RAB6B: variants seen among roughly 807,000 people sequenced by gnomAD.
RAB6B encodes ras-related protein Rab-6B.
RAB6B carries 7 observed loss-of-function variants against 31.2 expected under a neutral mutation model. The ratio of observed to expected loss-of-function variants is 0.22; its 90% CI spans 0.13 to 0.42. RAB6B has a LOEUF of 0.42. Among genes scored for constraint, RAB6B ranks in the 10% least tolerant of loss-of-function variants. RAB6B has a pLI of 1.00. For synonymous variants in RAB6B, 105 were observed against 104.9 expected, an observed-to-expected ratio of 1.00 and a Z score of -0.01; for missense variants, 149 against 280.6, an observed-to-expected ratio of 0.53 and a Z score of 3.35.
At chr3:133,860,105 C>G (rs1936138432) in intron 2 of RAB6B, among the ~76,000 whole-genome samples, 1 of 152,116 alleles carries the variant, frequency 6.6e-6, no homozygotes, top group African/African-American at 2.4e-5. Context: ...AGGTCCAGTC[C>G]CCATTGGGAT....
chr3:133,864,966 A>G (rs979888379), intron 1 of RAB6B, among the ~76,000 whole-genome samples: 2 of 152,238 alleles, frequency 1.3e-5, no homozygotes, highest in African/African-American at 2.4e-5. Context: ...AGAACCATCT[A>G]TAAAGAATCA....
chr3:133,892,438 C>G (rs1020974918), intron 1 of RAB6B, among the ~76,000 whole-genome samples: 8 of 152,152 alleles, frequency 5.3e-5, no homozygotes, highest in Non-Finnish European at 8.8e-5. Context: ...CAAGGGCCTC[C>G]CATTCAAACC....
intron 1 of RAB6B, among the ~76,000 whole-genome samples, chr3:133,889,184 G>A (rs2108016526): frequency 6.6e-6 from 1 of 151,830 alleles, no homozygotes; most frequent in African/African-American, 2.4e-5. Context: ...ACATTCAATG[G>A]CCGATGCATT....
chr3:133,884,196 G>A (rs1226210742), intron 1 of RAB6B, among the ~76,000 whole-genome samples: 2 of 152,218 alleles, frequency 1.3e-5, no homozygotes, highest in African/African-American at 4.8e-5. Flanking sequence ...GCTCAGTAAC[G>A]TCCAGTGGGC....
chr3:133,841,008 G>A (rs1054330805), intron 4 of RAB6B, among the ~76,000 whole-genome samples: 3 of 152,158 alleles, frequency 2.0e-5, no homozygotes, highest in Non-Finnish European at 4.4e-5. Flanking sequence ...GTGAGCATCT[G>A]CTCACACCAC....
chr3:133,883,984 G>A (rs1299689171), intron 1 of RAB6B, among the ~76,000 whole-genome samples: 1 of 152,170 alleles, frequency 6.6e-6, no homozygotes, highest in East Asian at 1.9e-4. Context: ...GTTTTTCTCT[G>A]GGCCAGCTGC....
chr3:133,830,023 C>T (rs1935633309), intron 7 of RAB6B, among the ~76,000 whole-genome samples: 2 of 152,128 alleles, frequency 1.3e-5, no homozygotes, highest in African/African-American at 2.4e-5. Context: ...TAAGCCAGTG[C>T]CTTCCTTCCC....
At chr3:133,834,474 T>C in intron 7 of RAB6B, 101 bp downstream of exon 7, 4 of 1,308,356 alleles carry the variant, frequency 3.1e-6, no homozygotes, top group Non-Finnish European at 4.4e-6. Flanking sequence ...CAGGGAAGGC[T>C]GGGCGGGGAC....
intron 1 of RAB6B, among the ~76,000 whole-genome samples, chr3:133,874,229 T>C (rs1936362159): frequency 6.6e-6 from 1 of 152,250 alleles, no homozygotes; most frequent in Non-Finnish European, 1.5e-5. Context: ...CATGCTTTGC[T>C]TAATGAGAGG....
chr3:133,892,161 CAT>C (rs2108018306), intron 1 of RAB6B, among the ~76,000 whole-genome samples: 1 of 152,298 alleles, frequency 6.6e-6, no homozygotes, highest in East Asian at 1.9e-4. Context: ...TCGGGACTGA[CAT>C]ATGTCACCCT....
At chr3:133,878,761 T>C (rs1936429366) in intron 1 of RAB6B, among the ~76,000 whole-genome samples, 1 of 152,224 alleles carries the variant, frequency 6.6e-6, no homozygotes, top group African/African-American at 2.4e-5. Flanking sequence ...TCAGACGCTA[T>C]GCAAACCGGA....
intron 2 of RAB6B, among the ~76,000 whole-genome samples, chr3:133,855,302 G>A (rs968239968): frequency 6.6e-6 from 1 of 152,242 alleles, no homozygotes; most frequent in Non-Finnish European, 1.5e-5. Context: ...CTGGGGGAGG[G>A]GATGTTGGCT....
intron 2 of RAB6B, among the ~76,000 whole-genome samples, chr3:133,856,286 G>A (rs139569589): frequency 1.9e-4 from 29 of 152,196 alleles, no homozygotes; most frequent in Non-Finnish European, 1.8e-4. Flanking sequence ...GGATGTTAGA[G>A]CCTGGGCAGT....
intron 2 of RAB6B, among the ~76,000 whole-genome samples, chr3:133,843,840 G>A (rs574968071): frequency 5.6e-4 from 86 of 152,218 alleles, no homozygotes; most frequent in African/African-American, 2.0e-3. Flanking sequence ...AGTCATAGTG[G>A]CCCATCCAGA....
chr3:133,840,449 A>T (rs1935809402), intron 4 of RAB6B, among the ~76,000 whole-genome samples: 1 of 152,200 alleles, frequency 6.6e-6, no homozygotes, highest in Non-Finnish European at 1.5e-5. Flanking sequence ...TTGCGGGCCC[A>T]GCTCCCACCT....
At chr3:133,836,684 G>A (rs1935740495) in intron 6 of RAB6B, among the ~76,000 whole-genome samples, 1 of 151,808 alleles carries the variant, frequency 6.6e-6, no homozygotes, top group Non-Finnish European at 1.5e-5. Context: ...ATGACTTTAG[G>A]GCTCCCAAAG....
At chr3:133,844,763 CTT>C (rs1239692557) in intron 2 of RAB6B, among the ~76,000 whole-genome samples, 2 of 152,038 alleles carry the variant, frequency 1.3e-5, no homozygotes, top group Non-Finnish European at 2.9e-5. Context: ...CATAGTGAGA[CTT>C]TGCCTCTACA....
intron 7 of RAB6B, among the ~76,000 whole-genome samples, chr3:133,831,056 G>A (rs1387915171): frequency 6.6e-6 from 1 of 152,182 alleles, no homozygotes; most frequent in African/African-American, 2.4e-5. Context: ...ACAGCATTAC[G>A]TTCTGCCCAG....
At chr3:133,841,988 G>A (rs975347788) in intron 2 of RAB6B, among the ~76,000 whole-genome samples, 1 of 152,180 alleles carries the variant, frequency 6.6e-6, no homozygotes, top group African/African-American at 2.4e-5. Context: ...CACATATCCT[G>A]CCCTCCCCAC....
Sources: gnomAD v4.1 joint callset for allele counts (sites outside exome capture counted in the v4.1 genomes callset) on GRCh38, gnomAD v4.1.1 for gene constraint, MANE v1.5 for transcripts, NCBI Gene and HGNC (gene_info 2026-07-23, HGNC 2026-07-21) for gene names.